DNAH2: variants seen among roughly 807,000 people sequenced by gnomAD.
DNAH2 encodes axonemal beta dynein heavy chain 2.
A neutral mutation model predicts 523.5 loss-of-function variants in DNAH2; 323 were observed. The ratio of observed to expected loss-of-function variants is 0.62; its 90% CI spans 0.56 to 0.68. The LOEUF is 0.68. Among genes scored for constraint, DNAH2 ranks in the 30% least tolerant of loss-of-function variants. The pLI is 0.00. For missense variants in DNAH2, 4,907 were observed against 5,701.5 expected (o/e 0.86, Z 4.49); for synonymous variants, 2,093 against 2,177.4 (o/e 0.96, Z 1.08).
chr17:7,823,398 G>A (rs1212684718), intron 73 of DNAH2, 44 bp from the exon 74 acceptor site: 1 of 1,544,204 alleles, frequency 6.5e-7, no homozygotes, highest in Non-Finnish European at 8.9e-7. Flanking sequence ...TTCTTTTGAA[G>A]TATTCCCAAG....
intron 32 of DNAH2, 116 bp downstream of exon 32, chr17:7,777,005 G>A (rs2076472487): frequency 4.0e-6 from 3 of 743,496 alleles, no homozygotes; most frequent in African/African-American, 3.5e-5. Context: ...GCAATATGGC[G>A]AAACCCCTTC....
At chr17:7,772,485 G>A (rs1376091380) in intron 28 of DNAH2, among the ~76,000 whole-genome samples, 2 of 152,240 alleles carry the variant, frequency 1.3e-5, no homozygotes, top group Non-Finnish European at 2.9e-5. Context: ...TCTTGTCCAC[G>A]GCTACTGAGC....
intron 72 of DNAH2, 38 bp downstream of exon 72, chr17:7,819,446 C>A (rs538365992): frequency 6.2e-7 from 1 of 1,611,384 alleles, no homozygotes; most frequent in African/African-American, 1.3e-5. Context: ...GCCCGGAGGC[C>A]GAGTGGCTGT....
intron 1 of DNAH2, among the ~76,000 whole-genome samples, chr17:7,719,274 C>T (rs1203216074): frequency 4.6e-5 from 7 of 151,942 alleles, no homozygotes; most frequent in Admixed American, 2.6e-4. Flanking sequence ...ATTACAGGCA[C>T]GCACCACCAC....
In DNAH2 at chr17:7,832,599, A is replaced by C. The variant is rs751287771; in HGVS notation, c.12747A>C (p.Pro4249=). Reference sequence around the variant, plus strand: ...CCCAGGCATACCCCTCACAAAAGCCATTGGCTGCCTGGACCCGGGACTTGG... The same window carrying C: ...CCCAGGCATACCCCTCACAAAAGCCCTTGGCTGCCTGGACCCGGGACTTGG... ...LWGKAYPSQK[P]LAAWTRDLAM... Residue 4249 remains proline (P), a synonymous_variant, in exon 83 of 86, where the codon CCA becomes CCC. Transcript: ENST00000572933. The surrounding 1 kb of genome is among the most constrained non-coding windows in gnomAD (Gnocchi z 4.3). 46 of 1,614,044 alleles carry C rather than the reference A, an allele frequency of 2.8e-5. No homozygotes were observed. Among genetic ancestry groups the C allele is most frequent in the Non-Finnish European group, 3.7e-5 (44 of 1,180,036 alleles).
At position 7,760,955 on chromosome 17, in the gene DNAH2, A is replaced by T. The variant is rs767215860; in HGVS notation, c.2978+23A>T. The T allele has an allele frequency of 1.6e-5, 26 of 1,602,930 alleles. No homozygotes were observed. In the South Asian group the frequency reaches 2.9e-4, roughly 18 times the overall value. On this transcript the variant is annotated intron_variant, in intron 18 of 85. Transcript: ENST00000572933. This position sits in a 1 kb window ranked among gnomAD's most constrained non-coding sequence, Gnocchi z 4.0. ...CCGGTGAGTGGTGAGGGTGGATTGA[A>T]AGTCTGTCTGTAGGAGGCACAGCAC...
rs1333101862 is a variant in DNAH2 at position 7,758,638 on chromosome 17, T to A, written c.2195T>A (p.Ile732Lys). The change falls in exon 14 of 86, where the codon ATA (isoleucine) becomes AAA (lysine). Residue 732 changes from isoleucine (I) to lysine (K), a missense_variant. This residue lies in a region of DNAH2 where 2,806 missense variants were observed against 3,190.8 expected (regional missense o/e 0.88). Coordinates refer to ENST00000572933, the MANE Select transcript of DNAH2 (RefSeq NM_020877.5). ...ASAFFITECR[I>K]HASKVQMIVN... ...GCCTTCTTCATCACGGAGTGCCGTA[T>A]ACATGCCAGCAAGGTGGGCCATGGT... The A allele has an allele frequency of 6.2e-7, 1 of 1,612,776 alleles. No homozygotes were observed. Among genetic ancestry groups the A allele is most frequent in the Non-Finnish European group, 8.5e-7 (1 of 1,179,468 alleles).
rs2076086094 is a variant in DNAH2 at position 7,764,128 on chromosome 17, C to T, written c.3191C>T (p.Pro1064Leu). The T allele has an allele frequency of 1.9e-6, 3 of 1,614,240 alleles. No homozygotes were observed. Among genetic ancestry groups the T allele is most frequent in the Non-Finnish European group, 2.5e-6 (3 of 1,180,046 alleles). Residue 1064 changes from proline to leucine, a missense_variant, in exon 20 of 86, where the codon CCT becomes CTT. This residue lies in a region of DNAH2 where 2,806 missense variants were observed against 3,190.8 expected (regional missense o/e 0.88). Transcript: ENST00000572933. ...TTGCCCGCCTTCAGAATCAGCCGCC[C>T]TCCGCAGACACTGGAGGAACTGGGG... ...LKENAEKISR[P>L]PQTLEELGVS... is the part of the protein sequence containing the mutation.
rs370650046 is a variant in DNAH2 at position 7,781,174 on chromosome 17, G to T, written c.6129+7G>T. ...TGTCATTGACTATGGCAAGGTATTT[G>T]TTCCTTAATACTCTCCCTGACCGGG... On this transcript the variant is annotated splice_region_variant and intron_variant, in intron 39 of 85. Coordinates refer to ENST00000572933, the MANE Select transcript of DNAH2 (RefSeq NM_020877.5). 1 of 1,614,126 alleles carries T rather than the reference G, an allele frequency of 6.2e-7. No homozygotes were observed. The highest frequency in any genetic ancestry group is 8.5e-7 in the Non-Finnish European group (1 of 1,180,012).
rs139308934 is a variant in DNAH2, at chr17:7,767,976, G to A, written c.3752G>A (p.Arg1251Gln). ...EENWNEWKTG[R>Q]FLILQTETME... ...AACTGGAATGAGTGGAAGACTGGCC[G>A]GTTCCTGATCCTGCAGACGGAAACC... Residue 1251 changes from arginine (R) to glutamine (Q), a missense_variant, in exon 23 of 86, where the codon CGG becomes CAG. Arg to Gln is a conservative substitution (Grantham distance 43, BLOSUM62 1). This residue lies in a region of DNAH2 where 2,806 missense variants were observed against 3,190.8 expected (regional missense o/e 0.88). Transcript: ENST00000572933. 160 of 1,614,134 alleles carry A rather than the reference G, an allele frequency of 9.9e-5. No individual in the cohort carries two copies. In the African/African-American group the frequency reaches 1.4e-3, roughly 14 times the overall value.
intron 49 of DNAH2, among the ~76,000 whole-genome samples, 175 bp downstream of exon 49, chr17:7,794,533 G>T (rs1050007813): frequency 1.2e-4 from 19 of 152,290 alleles, no homozygotes; most frequent in Admixed American, 1.0e-3. Flanking sequence ...GAGAGCTACG[G>T]GTTGGAAGCG....
chr17:7,805,038 A>G lies in DNAH2; in HGVS notation c.9264A>G (p.Leu3088=), dbSNP rs769011151. 1.2e-6 allele frequency: 2 copies of G among 1,614,160 alleles called. No individual in the cohort carries two copies. The highest frequency in any genetic ancestry group is 8.5e-7 in the Non-Finnish European group (1 of 1,180,028). Residue 3088 remains leucine (L), a synonymous_variant, in exon 60 of 86, where the codon CTA becomes CTG. Coordinates refer to ENST00000572933, the MANE Select transcript of DNAH2 (RefSeq NM_020877.5). ...TGGCTGACAATGCCCAGAAAGATCT[A>G]GAAGAGGCACTGCCCGCCCTGGAAG... ...QALADNAQKD[L]EEALPALEEA...
At chr17:7,741,331 T>TTCCTTCCC (rs2075340889) in intron 11 of DNAH2, among the ~76,000 whole-genome samples, 1 of 74,318 alleles carries the variant, frequency 1.3e-5, no homozygotes, top group Non-Finnish European at 2.6e-5. Flanking sequence ...CCCTCCTTCC[T>TTCCTTCCC]TCCTTCCTTC....
At chr17:7,742,877 C>T (rs1484668810) in intron 11 of DNAH2, 51 bp from the exon 12 acceptor site, 3 of 1,265,282 alleles carry the variant, frequency 2.4e-6, no homozygotes, top group African/African-American at 1.6e-5. Context: ...ATGGTGGCCC[C>T]TGGAGGAAGG....
intron 59 of DNAH2, 33 bp from the exon 60 acceptor site, chr17:7,804,925 G>T (rs369794835): frequency 3.5e-5 from 56 of 1,588,300 alleles, no homozygotes; most frequent in Admixed American, 1.7e-5. Flanking sequence ...CCAAGGCAAA[G>T]ACAAAAAACC....
At chr17:7,782,930 A>G (rs1274538599) in intron 39 of DNAH2, among the ~76,000 whole-genome samples, 1 of 152,186 alleles carries the variant, frequency 6.6e-6, no homozygotes, top group Non-Finnish European at 1.5e-5. Context: ...GGGAAACAAA[A>G]GATTTGGTGC....
At chr17:7,739,163 T>G in intron 8 of DNAH2, 1 of 557,250 alleles carries the variant, frequency 1.8e-6, no homozygotes, top group South Asian at 2.0e-5. Flanking sequence ...CCCAGCACTT[T>G]GGGAGGCTGA....
chr17:7,721,143 G>A (rs1237736335), intron 2 of DNAH2, among the ~76,000 whole-genome samples: 1 of 151,538 alleles, frequency 6.6e-6, no homozygotes, highest in Admixed American at 6.6e-5. Context: ...CAAGTAGCTG[G>A]GATTACAGGC....
Position 7,775,336 on chromosome 17 carries a change from T to A in DNAH2, c.4815T>A (p.Pro1605=). 1 of 1,610,746 alleles carries A rather than the reference T, an allele frequency of 6.2e-7. No individual in the cohort carries two copies. The highest frequency in any genetic ancestry group is 8.5e-7 in the Non-Finnish European group (1 of 1,178,290). Residue 1605 remains proline, a synonymous_variant, in exon 30 of 86, where the codon CCT becomes CCA. Coordinates refer to ENST00000572933, the MANE Select transcript of DNAH2 (RefSeq NM_020877.5). ...DFLHSVFLEG[P]VESWLGDVEQ... ...TCCACTCAGTATTTTTAGAAGGCCC[T>A]GTGGAGGTGAGTTGTGGTGAGGGTC...
Sources: gnomAD v4.1 joint callset for allele counts (sites outside exome capture counted in the v4.1 genomes callset) on GRCh38, gnomAD v4.1.1 for gene constraint, gnomAD v4.1.1 regional missense constraint, Gnocchi (gnomAD v3.1) non-coding constraint, MANE v1.5 for transcripts, NCBI Gene and HGNC (gene_info 2026-07-23, HGNC 2026-07-21) for gene names.